The following KCTD16 variants were observed in gnomAD, a reference collection of about 807,000 sequenced individuals.
KCTD16 encodes BTB/POZ domain-containing protein KCTD16.
KCTD16 carries 13 observed loss-of-function variants against 33.2 expected under a neutral mutation model. The ratio of observed to expected loss-of-function variants is 0.39; its 90% CI spans 0.25 to 0.62. The LOEUF is 0.62. KCTD16 is among the 20% of genes least tolerant of loss of function. The probability of loss-of-function intolerance (pLI) is 0.50; values close to 1 mark genes in which losing one functional copy is unlikely to be tolerated. For missense variants in KCTD16, 441 were observed against 525.1 expected, an observed-to-expected ratio of 0.84 and a Z score of 1.57; for synonymous variants, 197 against 195.3, an observed-to-expected ratio of 1.01 and a Z score of -0.07.
At chr5:144,466,722 A>G (rs1341193925) in intron 3 of KCTD16, among the ~76,000 whole-genome samples, 1 of 151,566 alleles carries the variant, frequency 6.6e-6, no homozygotes, top group African/African-American at 2.4e-5. Flanking sequence ...CTTTGGATCA[A>G]ATAATTAACC....
At chr5:144,225,593 TG>T (rs1349225974) in intron 3 of KCTD16, among the ~76,000 whole-genome samples, 4,803 of 151,346 alleles carry the variant, frequency 0.032, 174 homozygotes, top group Admixed American at 0.12. Context: ...TGTGTGTGTG[TG>T]TGTCTTTAAA....
chr5:144,263,803 G>A (rs1422200613), intron 3 of KCTD16, among the ~76,000 whole-genome samples: 1 of 152,192 alleles, frequency 6.6e-6, no homozygotes, highest in Non-Finnish European at 1.5e-5. Flanking sequence ...CCACAGTTCT[G>A]GAAGCTGGGA....
chr5:144,232,786 C>A (rs961518464), intron 3 of KCTD16, among the ~76,000 whole-genome samples: 1 of 151,928 alleles, frequency 6.6e-6, no homozygotes, highest in African/African-American at 2.4e-5. Flanking sequence ...ACATTTTAAC[C>A]CACCGTGTCA....
intron 2 of KCTD16, 30 bp downstream of exon 2, chr5:144,174,502 C>T (rs1013712267): frequency 6.6e-6 from 1 of 152,196 alleles, no homozygotes; most frequent in African/African-American, 2.4e-5. Context: ...TTTACTCTCC[C>T]TATATATTAA....
chr5:144,308,863 T>A (rs967422228), intron 3 of KCTD16, among the ~76,000 whole-genome samples: 4 of 149,626 alleles, frequency 2.7e-5, no homozygotes, highest in Non-Finnish European at 5.9e-5. Flanking sequence ...CTTTTTTTTT[T>A]AATAGGGAAG....
rs542261131 is a variant in KCTD16 at position 144,382,855 on chromosome 5, AG to A, written c.833-90804del. ...TCATTCTTCCTGGATCAAGAAAACA[AG>A]ACCATGGCAGTAATGTCACCACTAA... is the stretch of plus-strand genomic sequence containing the variant. On this transcript the variant is annotated intron_variant, in intron 3 of 3. Coordinates refer to ENST00000512467, the MANE Select transcript of KCTD16 (RefSeq NM_020768.4). Among the ~76,000 whole-genome samples, 3 of 152,338 alleles carry A rather than the reference AG, an allele frequency of 2.0e-5. No homozygotes were observed. In the South Asian group the frequency reaches 6.2e-4, roughly 32 times the overall value.
intron 3 of KCTD16, among the ~76,000 whole-genome samples, chr5:144,448,008 AG>A (rs1364425713): frequency 6.6e-6 from 1 of 151,922 alleles, no homozygotes; most frequent in African/African-American, 2.4e-5. Context: ...ACTAACTAGA[AG>A]GGCCTTTACA....
intron 3 of KCTD16, among the ~76,000 whole-genome samples, chr5:144,223,219 C>A (rs1753818901): frequency 6.6e-6 from 1 of 152,046 alleles, no homozygotes; most frequent in Non-Finnish European, 1.5e-5. Flanking sequence ...GTGCAGCACA[C>A]CAACATGGCA....
chr5:144,286,960 C>T (rs879800919), intron 3 of KCTD16, among the ~76,000 whole-genome samples: 4 of 152,214 alleles, frequency 2.6e-5, no homozygotes, highest in Admixed American at 2.0e-4. Context: ...TGATTTACCT[C>T]ACACAATCCT....
intron 3 of KCTD16, among the ~76,000 whole-genome samples, chr5:144,328,619 A>G (rs1042769866): frequency 6.6e-6 from 1 of 151,804 alleles, no homozygotes; most frequent in African/African-American, 2.4e-5. Flanking sequence ...TACATCATCT[A>G]TGTGTAAACT....
At chr5:144,304,267 G>A (rs1382009263) in intron 3 of KCTD16, among the ~76,000 whole-genome samples, 2 of 152,206 alleles carry the variant, frequency 1.3e-5, no homozygotes, top group African/African-American at 2.4e-5. Flanking sequence ...GTGGGGAAAG[G>A]AAAGGACAGT....
At chr5:144,416,972 GAAT>G (rs1365979193) in intron 3 of KCTD16, among the ~76,000 whole-genome samples, 2 of 152,076 alleles carry the variant, frequency 1.3e-5, no homozygotes, top group African/African-American at 4.8e-5. Context: ...TTTAATGGCT[GAAT>G]AATATTTCAT....
chr5:144,472,331 G>A (rs950641523), intron 3 of KCTD16, among the ~76,000 whole-genome samples: 1 of 152,176 alleles, frequency 6.6e-6, no homozygotes, highest in Non-Finnish European at 1.5e-5. Flanking sequence ...TGTTCAGAGG[G>A]TGGAAGTGGA....
rs113136656 is a variant in KCTD16 at position 144,251,992 on chromosome 5, G to A, written c.832+44446G>A. On this transcript the variant is annotated intron_variant, in intron 3 of 3. Transcript: ENST00000512467. ...AGTATAATTAACAAATAAAAACTGT[G>A]TATATTTAAGGAGTGCAATGTGATG... Among the ~76,000 whole-genome samples the A allele has an allele frequency of 1.1e-3, 163 of 152,128 alleles. 1 individual carries two copies. Among genetic ancestry groups the A allele is most frequent in the African/African-American group, 3.6e-3 (149 of 41,514 alleles).
At chr5:144,317,121 C>T (rs562044343) in intron 3 of KCTD16, among the ~76,000 whole-genome samples, 16 of 152,028 alleles carry the variant, frequency 1.1e-4, no homozygotes, top group South Asian at 2.1e-4. Flanking sequence ...CCACCAAGCC[C>T]GGCCCGGCCA....
At chr5:144,236,589 A>G (rs1053204284) in intron 3 of KCTD16, among the ~76,000 whole-genome samples, 10 of 152,190 alleles carry the variant, frequency 6.6e-5, no homozygotes, top group South Asian at 6.2e-4. Context: ...ACTAAAGATT[A>G]CGAAAGGTGC....
intron 3 of KCTD16, among the ~76,000 whole-genome samples, chr5:144,213,241 A>T (rs1753453027): frequency 6.6e-6 from 1 of 152,060 alleles, no homozygotes; most frequent in Admixed American, 6.5e-5. Context: ...TTCTCTCATC[A>T]TTTAAAAAAT....
intron 3 of KCTD16, among the ~76,000 whole-genome samples, chr5:144,347,624 C>T (rs558683820): frequency 1.3e-5 from 2 of 152,104 alleles, no homozygotes; most frequent in African/African-American, 2.4e-5. Flanking sequence ...AGGACAGCCT[C>T]TACATGAGAA....
rs1296551439 is a variant in KCTD16, at chr5:144,373,219, G to T, written c.833-100441G>T. Among the ~76,000 whole-genome samples the T allele has an allele frequency of 2.0e-5, 3 of 152,062 alleles. No homozygotes were observed. In the East Asian group the frequency reaches 5.8e-4, roughly 29 times the overall value. On this transcript the variant is annotated intron_variant, in intron 3 of 3. Coordinates refer to ENST00000512467, the MANE Select transcript of KCTD16 (RefSeq NM_020768.4). Reference sequence around the variant, plus strand: ...GGAGGCTCATATGTTAAATTTCATGGTCTCCTGACTCTTGATCTTGCCCTA... The same window carrying T: ...GGAGGCTCATATGTTAAATTTCATGTTCTCCTGACTCTTGATCTTGCCCTA...
Sources: allele counts gnomAD v4.1 joint callset (sites outside exome capture counted in the v4.1 genomes callset), GRCh38; gene constraint gnomAD v4.1.1; transcripts MANE v1.5; gene names NCBI Gene and HGNC (gene_info 2026-07-23, HGNC 2026-07-21).